ERAP1: variants seen among roughly 807,000 people sequenced by gnomAD.
The protein encoded by ERAP1 is adipocyte-derived leucine aminopeptidase.
A neutral mutation model predicts 103.7 loss-of-function variants in ERAP1; 86 were observed. The ratio of observed to expected loss-of-function variants is 0.83; its 90% CI spans 0.70 to 0.99. ERAP1 has a LOEUF of 0.99. ERAP1 is among the 50% of genes least tolerant of loss of function. The probability of loss-of-function intolerance (pLI) is 0.00; values close to 1 mark genes in which losing one functional copy is unlikely to be tolerated. For synonymous variants in ERAP1, 398 were observed against 402.4 expected (o/e 0.99, Z 0.13); for missense variants, 1,009 against 1,128.4 (o/e 0.89, Z 1.52).
At chr5:96,797,396 T>C in intron 3 of ERAP1, 87 bp from the exon 4 acceptor site, 1 of 1,466,104 alleles carries the variant, frequency 6.8e-7, no homozygotes, top group African/African-American at 1.4e-5. Flanking sequence ...AGACATAATA[T>C]TAAAAGTGTA....
the ERAP1 span, chr5:96,918,938 GCTTCT>G: frequency 2.0e-5 from 3 of 152,106 alleles, no homozygotes; most frequent in African/African-American, 7.2e-5. Context: ...CCTGCTAAAT[GCTTCT>G]CTTAATTATT....
At chr5:96,835,198 G>C in the ERAP1 span, among the ~76,000 whole-genome samples, 5 of 152,202 alleles carry the variant, frequency 3.3e-5, no homozygotes, top group Admixed American at 1.3e-4. Context: ...GCTGTTGACT[G>C]TCCTAGAAGG....
the ERAP1 span, among the ~76,000 whole-genome samples, chr5:96,910,656 T>C: frequency 6.6e-6 from 1 of 152,210 alleles, no homozygotes; most frequent in African/African-American, 2.4e-5. Context: ...ATATAAGTGT[T>C]CAACATGTTG....
chr5:96,785,024 G>C (rs1775801340), intron 13 of ERAP1: 2 of 152,300 alleles, frequency 1.3e-5, no homozygotes, highest in Admixed American at 1.3e-4. Context: ...GTATGGTGGT[G>C]AGAAGAACCA....
intron 15 of ERAP1, 37 bp from the exon 16 acceptor site, chr5:96,781,891 G>A: frequency 6.2e-7 from 1 of 1,608,178 alleles, no homozygotes; most frequent in Admixed American, 1.7e-5. Context: ...AATCTGAGGT[G>A]CAGTAAGTAT....
chr5:96,889,939 T>C, the ERAP1 span, among the ~76,000 whole-genome samples: 1 of 152,152 alleles, frequency 6.6e-6, no homozygotes, highest in African/African-American at 2.4e-5. Context: ...CAATCTTTTA[T>C]AAAAGTTGTC....
exon 20 of ERAP1, chr5:96,761,958 A>G (rs1768113047): frequency 5.3e-6 from 1 of 187,932 alleles, no homozygotes; most frequent in Non-Finnish European, 1.1e-5. Flanking sequence ...AGCAATTTTA[A>G]AAGAGCTGAA....
the ERAP1 span, chr5:96,814,198 T>C: frequency 2.2e-6 from 1 of 455,572 alleles, no homozygotes; most frequent in Non-Finnish European, 4.4e-6. Flanking sequence ...TCATTGACTA[T>C]CGGATTGAGA....
chr5:96,883,942 T>A, the ERAP1 span: 1 of 1,556,664 alleles, frequency 6.4e-7, no homozygotes, highest in Non-Finnish European at 8.7e-7. Flanking sequence ...TATGTCCACT[T>A]CCAGAAACTT....
At chr5:96,836,183 T>G in the ERAP1 span, among the ~76,000 whole-genome samples, 4 of 150,248 alleles carry the variant, frequency 2.7e-5, no homozygotes, top group Admixed American at 2.0e-4. Context: ...TTGGTTTTTT[T>G]TTTTTTTTTT....
the ERAP1 span, among the ~76,000 whole-genome samples, chr5:96,874,174 G>GAAAGAAAGAA: frequency 1.6e-3 from 150 of 91,786 alleles, no homozygotes; most frequent in Admixed American, 3.2e-3. Context: ...AAGAAAGAAA[G>GAAAGAAAGAA]AAAGAAAGAG....
chr5:96,809,293 G>T (rs781635734), upstream of ERAP1, among the ~76,000 whole-genome samples: 8 of 152,166 alleles, frequency 5.3e-5, no homozygotes, highest in Non-Finnish European at 1.2e-4. Context: ...TGGGAGTGTA[G>T]CCCAGTAGGT....
the ERAP1 span, among the ~76,000 whole-genome samples, chr5:96,928,557 C>T: frequency 2.0e-5 from 3 of 152,108 alleles, no homozygotes; most frequent in Non-Finnish European, 4.4e-5. Context: ...ACAGATCCTT[C>T]CCTAGTGCCT....
the ERAP1 span, chr5:96,896,466 C>CA: frequency 6.2e-7 from 1 of 1,613,562 alleles, no homozygotes; most frequent in Non-Finnish European, 8.5e-7. Flanking sequence ...AACCCCGACT[C>CA]AAATACAGGA....
the ERAP1 span, among the ~76,000 whole-genome samples, chr5:96,863,714 T>TAA: frequency 1.3e-5 from 2 of 152,334 alleles, no homozygotes; most frequent in Non-Finnish European, 2.9e-5. Context: ...TTCACATTTC[T>TAA]AACTACCCAC....
At chr5:96,791,968 G>T in intron 8 of ERAP1, 93 bp downstream of exon 8, 1 of 1,417,682 alleles carries the variant, frequency 7.1e-7, no homozygotes, top group Non-Finnish European at 9.9e-7. Flanking sequence ...ATTCAATCTG[G>T]GTTTAACCCC....
chr5:96,788,487 A>C, intron 11 of ERAP1, 44 bp downstream of exon 11: 1 of 1,610,786 alleles, frequency 6.2e-7, no homozygotes, highest in South Asian at 1.1e-5. Flanking sequence ...TACAAGGCAG[A>C]TGTTACCTAG....
chr5:96,786,744 T>A, intron 11 of ERAP1, 195 bp from the exon 12 acceptor site: 1 of 568,938 alleles, frequency 1.8e-6, no homozygotes, highest in Non-Finnish European at 3.1e-6. Flanking sequence ...TATTTCCTTT[T>A]CTTGGACTCC....
At chr5:96,871,225 G>A in the ERAP1 span, among the ~76,000 whole-genome samples, 5 of 152,144 alleles carry the variant, frequency 3.3e-5, no homozygotes, top group Non-Finnish European at 7.3e-5. Context: ...AAGCAGCCTG[G>A]AACCTCTCTC....
Sources: allele counts gnomAD v4.1 joint callset (sites outside exome capture counted in the v4.1 genomes callset), GRCh38; gene constraint gnomAD v4.1.1; transcripts MANE v1.5; gene names NCBI Gene and HGNC (gene_info 2026-07-23, HGNC 2026-07-21).